The following CEP170B variants were observed in gnomAD, a reference collection of about 807,000 sequenced individuals.
CEP170B encodes centrosomal protein of 170 kDa protein B.
In CEP170B, 55 loss-of-function variants were observed where a neutral mutation model predicts 120.6. That is an observed-to-expected ratio of 0.46 (90% CI 0.37 to 0.57). The LOEUF (loss-of-function observed/expected upper bound fraction) is 0.57. Among genes scored for constraint, CEP170B ranks in the 20% least tolerant of loss-of-function variants. The probability of loss-of-function intolerance (pLI) is 0.00; values close to 1 mark genes in which losing one functional copy is unlikely to be tolerated. For missense variants in CEP170B, 2,212 were observed against 2,253.3 expected (o/e 0.98, Z 0.37); for synonymous variants, 1,033 against 954.5 (o/e 1.08, Z -1.52).
At chr14:104,879,740 C>T (rs774818511) in intron 5 of CEP170B, among the ~76,000 whole-genome samples, 8 of 152,164 alleles carry the variant, frequency 5.3e-5, no homozygotes, top group African/African-American at 1.7e-4. Flanking sequence ...GGTGTGCTGG[C>T]GACACGCACA....
chr14:104,889,580 C>A, intron 12 of CEP170B, 40 bp from the exon 13 acceptor site: 1 of 1,605,620 alleles, frequency 6.2e-7, no homozygotes, highest in Non-Finnish European at 8.5e-7. Context: ...CGGCTCCCGC[C>A]ACGGCTCCCC....
Position 104,882,841 on chromosome 14 carries a change from T to C in CEP170B, c.577+9T>C, listed in dbSNP as rs1437250806. 6.2e-7 allele frequency: 1 copy of C among 1,609,660 alleles called. No individual in the cohort carries two copies. Among genetic ancestry groups the C allele is most frequent in the African/African-American group, 1.3e-5 (1 of 74,664 alleles). On this transcript the variant is annotated intron_variant, in intron 7 of 18. Coordinates refer to ENST00000414716, the MANE Select transcript of CEP170B (RefSeq NM_001112726.3). The stretch of plus-strand genomic sequence containing the variant: ...GGGAGAGCCCTACCCAGGTTGGTCT[T>C]GGGGCCAGGCTGGTGAGACCCTGAG...
At position 104,893,531 on chromosome 14, in the gene CEP170B, G is replaced by A. The variant is rs1275171553; in HGVS notation, c.4047G>A (p.Gln1349=). ...STISAREELV[Q]RIPEASLNFQ... ...GGCCCTCCCTCTTGCAGCTGGTGCA[G>A]CGCATCCCCGAGGCCAGCCTCAACT... Residue 1349 remains glutamine, a synonymous_variant, in exon 15 of 19, where the codon CAG becomes CAA. Coordinates refer to ENST00000414716, the MANE Select transcript of CEP170B (RefSeq NM_001112726.3). 6.2e-7 allele frequency: 1 copy of A among 1,603,286 alleles called. No individual in the cohort carries two copies. The highest frequency in any genetic ancestry group is 8.5e-7 in the Non-Finnish European group (1 of 1,176,548).
rs1895306903 is a variant in CEP170B, at chr14:104,868,598, A to G, written c.105+43A>G. 1 of 1,522,098 alleles carries G rather than the reference A, an allele frequency of 6.6e-7. No homozygotes were observed. The highest frequency in any genetic ancestry group is 2.0e-5 in the Admixed American group (1 of 50,578). The allele number at this position is 1,522,098 out of a possible 1,614,324, so 94.3% of individuals were successfully genotyped here. ...GGGGCCAGGAGGGTAGGGGGTAGAC[A>G]GTCTGTCCCTGTGGAGGCCAGGAAG... is the stretch of plus-strand genomic sequence containing the variant. On this transcript the variant is annotated intron_variant, in intron 2 of 18. Coordinates refer to ENST00000414716, the MANE Select transcript of CEP170B (RefSeq NM_001112726.3). The surrounding 1 kb of genome is among the most constrained non-coding windows in gnomAD (Gnocchi z 5.9).
chr14:104,881,277 G>T (rs1039044914), intron 6 of CEP170B, among the ~76,000 whole-genome samples: 2 of 152,104 alleles, frequency 1.3e-5, no homozygotes, highest in African/African-American at 2.4e-5. Context: ...GCCTGGTGGG[G>T]TGTGGAGGGG....
At position 104,895,156 on chromosome 14, in the gene CEP170B, T is replaced by C; in HGVS notation, c.*198T>C. 1.8e-6 allele frequency: 1 copy of C among 570,344 alleles called. No homozygotes were observed. Among genetic ancestry groups the C allele is most frequent in the Non-Finnish European group, 3.0e-6 (1 of 338,322 alleles). The allele number at this position is 570,344 out of a possible 1,614,324, so 35.3% of individuals were successfully genotyped here. A position where few individuals can be genotyped will look rare whatever the true frequency, so the allele number is the denominator to read the frequency against. On this transcript the variant is annotated 3_prime_UTR_variant, in exon 19 of 19. Coordinates refer to ENST00000414716, the MANE Select transcript of CEP170B (RefSeq NM_001112726.3). ...ACCCTACTCACCCTGTCCAGCCCCA[T>C]GGCCACCCCCACCCCTGCCTCGCCC...
intron 14 of CEP170B, 76 bp from the exon 15 acceptor site, chr14:104,893,447 C>T (rs564709646): frequency 2.0e-5 from 30 of 1,517,228 alleles, no homozygotes; most frequent in Middle Eastern, 2.2e-4. Context: ...CCTGCCGGGC[C>T]GGAGCAGGGA....
chr14:104,887,858 C>T lies in CEP170B; in HGVS notation c.3619C>T (p.Arg1207Cys), dbSNP rs775817653. The change falls in exon 12 of 19, where the codon CGC (arginine) becomes TGC (cysteine). Residue 1207 changes from arginine to cysteine, a missense_variant. This residue lies in a region of CEP170B where 2,166 missense variants were observed against 2,166.7 expected (regional missense o/e 1.00). Transcript: ENST00000414716. ...GRSVELCCASRKPTMAEARAV... is the reference protein window; with the variant it reads ...GRSVELCCASCKPTMAEARAV... ...CAGTGTGGAGTTGTGCTGTGCCAGC[C>T]GCAAGCCCACCATGGCCGAAGCACG... The T allele has an allele frequency of 1.4e-5, 22 of 1,578,118 alleles. No homozygotes were observed. The highest frequency in any genetic ancestry group is 2.7e-5 in the African/African-American group (2 of 74,400).
At chr14:104,885,956 T>C in intron 10 of CEP170B, 84 bp from the exon 11 acceptor site, 1 of 1,253,506 alleles carries the variant, frequency 8.0e-7, no homozygotes, top group Non-Finnish European at 1.1e-6. Context: ...TTGGCTGCTC[T>C]GGACGCCCCT....
intron 12 of CEP170B, 109 bp downstream of exon 12, chr14:104,888,087 G>A (rs1006494677): frequency 8.3e-6 from 10 of 1,205,100 alleles, no homozygotes; most frequent in Admixed American, 5.9e-5. Flanking sequence ...GTCCTGGCAC[G>A]AGAGGAGCCT....
intron 7 of CEP170B, 61 bp from the exon 8 acceptor site, chr14:104,882,974 G>C: frequency 6.8e-7 from 1 of 1,466,198 alleles, no homozygotes; most frequent in Non-Finnish European, 9.1e-7. Flanking sequence ...GGTCCTGGCT[G>C]AGGAGGGTGG....
In CEP170B at chr14:104,883,408, G is replaced by T; in HGVS notation, c.951G>T (p.Trp317Cys). The T allele has an allele frequency of 6.3e-7, 1 of 1,587,014 alleles. No individual in the cohort carries two copies. Among genetic ancestry groups the T allele is most frequent in the Non-Finnish European group, 8.6e-7 (1 of 1,168,272 alleles). ...CGGCTGAGACCAAGGTGGCCGACTG[G>T]CTGGTGCAGAATGACCCGAGCCTGC... ...MVSAETKVAD[W>C]LVQNDPSLLH... The change falls in exon 8 of 19, where the codon TGG (tryptophan) becomes TGT (cysteine). Residue 317 changes from tryptophan (W) to cysteine (C), a missense_variant. Physicochemically the swap from Trp to Cys is radical, Grantham distance 215 (BLOSUM62 -2). Transcript: ENST00000414716.
At chr14:104,874,175 C>T (rs1895712024) in intron 2 of CEP170B, among the ~76,000 whole-genome samples, 1 of 152,220 alleles carries the variant, frequency 6.6e-6, no homozygotes, top group East Asian at 1.9e-4. Flanking sequence ...CTGGGGGTCG[C>T]CTGTGTCTGG....
intron 16 of CEP170B, chr14:104,894,084 G>GGGCCCAGCC: frequency 1.5e-6 from 1 of 651,944 alleles, no homozygotes; most frequent in Non-Finnish European, 2.7e-6. Flanking sequence ...CCCTCATCCC[G>GGGCCCAGCC]GGCCCAGCCC....
chr14:104,886,824 C>A lies in CEP170B; in HGVS notation c.2585C>A (p.Ala862Asp), dbSNP rs1163854250. The A allele has an allele frequency of 6.2e-7, 1 of 1,611,158 alleles. No individual in the cohort carries two copies. The highest frequency in any genetic ancestry group is 1.3e-5 in the African/African-American group (1 of 74,924). The change falls in exon 12 of 19, where the codon GCC becomes GAC. Residue 862 changes from alanine (A) to aspartate (D), a missense_variant. By Grantham distance (126) the Ala-to-Asp change is moderately radical. Coordinates refer to ENST00000414716, the MANE Select transcript of CEP170B (RefSeq NM_001112726.3). ...CCAGAACCCGACGGCCCTGCCCCAGCCTTTCTCCGGCAAGAGAGCTTCACT... is the reference window on the plus strand; with the variant it reads ...CCAGAACCCGACGGCCCTGCCCCAGACTTTCTCCGGCAAGAGAGCTTCACT... Reference protein sequence around the residue: ...RSPEPDGPAPAFLRQESFTKE... With the variant: ...RSPEPDGPAPDFLRQESFTKE...
rs1392698608 is a variant in CEP170B, at chr14:104,883,401, CCGA to C, written c.946_948del (p.Asp316del). The C allele has an allele frequency of 1.3e-6, 2 of 1,592,876 alleles. No individual in the cohort carries two copies. The highest frequency in any genetic ancestry group is 3.5e-5 in the Admixed American group (2 of 56,806). ...ATGGTGTCGGCTGAGACCAAGGTGGCCGACTGGCTGGTGCAGAATGACCCGAGC... is the reference window on the plus strand; with the variant it reads ...ATGGTGTCGGCTGAGACCAAGGTGGCCTGGCTGGTGCAGAATGACCCGAGC... On this transcript the variant is annotated inframe_deletion, in exon 8 of 19. Coordinates refer to ENST00000414716, the MANE Select transcript of CEP170B (RefSeq NM_001112726.3).
At chr14:104,893,280 G>T in intron 14 of CEP170B, 145 bp downstream of exon 14, 1 of 1,160,584 alleles carries the variant, frequency 8.6e-7, no homozygotes, top group Non-Finnish European at 1.2e-6. Flanking sequence ...CCCTGGGTCA[G>T]CGCCCCAAAC....
intron 2 of CEP170B, among the ~76,000 whole-genome samples, chr14:104,869,371 T>TG (rs1895355616): frequency 6.6e-6 from 1 of 152,150 alleles, no homozygotes; most frequent in African/African-American, 2.4e-5. Context: ...CCCTGCCCAC[T>TG]CAGACGTTGC....
Position 104,891,256 on chromosome 14 carries a change from T to C in CEP170B, c.3878+1498T>C, listed in dbSNP as rs1896844470. 6.6e-6 allele frequency among the ~76,000 whole-genome samples: 1 copy of C among 151,710 alleles called. No homozygotes were observed. Among genetic ancestry groups the C allele is most frequent in the Non-Finnish European group, 1.5e-5 (1 of 67,866 alleles). On this transcript the variant is annotated intron_variant, in intron 13 of 18. Coordinates refer to ENST00000414716, the MANE Select transcript of CEP170B (RefSeq NM_001112726.3). This position sits in a 1 kb window ranked among gnomAD's most constrained non-coding sequence, Gnocchi z 4.3. ...CGCTGGGGAGGATGGGGTAGGGAGT[T>C]GGGTGGGAGTGAGAGTGGTCTTTGC...
Sources: gnomAD v4.1 joint callset for allele counts (sites outside exome capture counted in the v4.1 genomes callset) on GRCh38, gnomAD v4.1.1 for gene constraint, gnomAD v4.1.1 regional missense constraint, Gnocchi (gnomAD v3.1) non-coding constraint, MANE v1.5 for transcripts, NCBI Gene and HGNC (gene_info 2026-07-23, HGNC 2026-07-21) for gene names.